MAGI1: variants seen among roughly 807,000 people sequenced by gnomAD.
MAGI1 encodes membrane-associated guanylate kinase, WW and PDZ domain-containing protein 1.
A neutral mutation model predicts 139.9 loss-of-function variants in MAGI1; 58 were observed. The ratio of observed to expected loss-of-function variants is 0.41; its 90% confidence interval spans 0.34 to 0.52. The LOEUF (loss-of-function observed/expected upper bound fraction) is 0.52. MAGI1 is among the 20% of genes least tolerant of loss of function. The pLI is 0.12. For missense variants in MAGI1, 1,874 were observed against 1,901.6 expected, an observed-to-expected ratio of 0.99 and a Z score of 0.27; for synonymous variants, 812 against 737.9, an observed-to-expected ratio of 1.10 and a Z score of -1.63.
At chr3:65,427,074 G>T (rs1311925270) in intron 12 of MAGI1, among the ~76,000 whole-genome samples, 5 of 152,198 alleles carry the variant, frequency 3.3e-5, no homozygotes, top group Admixed American at 3.3e-4. Context: ...AGCACTTCGG[G>T]AGGCCGAGGC....
chr3:65,695,545 T>C (rs2089097656), intron 1 of MAGI1, among the ~76,000 whole-genome samples: 1 of 152,184 alleles, frequency 6.6e-6, no homozygotes, highest in Non-Finnish European at 1.5e-5. Flanking sequence ...CTCAGTCACA[T>C]CCTTTTTCTT....
In MAGI1 at chr3:65,478,577, T is replaced by C. The variant is rs774533825; in HGVS notation, c.757+15A>G. 7.4e-6 allele frequency: 12 copies of C among 1,610,880 alleles called. No individual in the cohort carries two copies. Among genetic ancestry groups the C allele is most frequent in the Admixed American group, 5.0e-5 (3 of 59,984 alleles). Reference sequence around the variant, plus strand: ...TTCCCCAGGTCCATTGAGGGCAACATGATCTGACCTTTACCTGTAAAGCTG... The same window carrying C: ...TTCCCCAGGTCCATTGAGGGCAACACGATCTGACCTTTACCTGTAAAGCTG... On this transcript the variant is annotated intron_variant, in intron 4 of 22. Transcript: ENST00000402939.
chr3:65,976,627 T>C (rs534079863), intron 1 of MAGI1, among the ~76,000 whole-genome samples: 3 of 152,272 alleles, frequency 2.0e-5, no homozygotes, highest in South Asian at 2.1e-4. Context: ...TGGGACTCTG[T>C]CTCAAACAAA....
chr3:65,940,126 T>A (rs915751509), intron 1 of MAGI1, among the ~76,000 whole-genome samples: 2 of 152,224 alleles, frequency 1.3e-5, no homozygotes, highest in Non-Finnish European at 1.5e-5. Context: ...GGGAAAGCAG[T>A]GAAGCACTAG....
At chr3:65,777,781 T>C (rs1447194589) in intron 1 of MAGI1, among the ~76,000 whole-genome samples, 1 of 152,214 alleles carries the variant, frequency 6.6e-6, no homozygotes. Flanking sequence ...GTGTAATTTC[T>C]GGACCTCCGT....
chr3:65,569,046 G>C (rs2080818132), intron 2 of MAGI1, among the ~76,000 whole-genome samples: 1 of 152,186 alleles, frequency 6.6e-6, no homozygotes, highest in Admixed American at 6.5e-5. Context: ...AGCAACCCAA[G>C]TGCCTATAGA....
chr3:65,536,255 C>G lies in MAGI1; in HGVS notation c.431-42624G>C, dbSNP rs541477462. ...CAAGTTCTGTGAAGCCTAGATTCAC[C>G]TTTGTATAATAACTCCTAGCATACT... On this transcript the variant is annotated intron_variant, in intron 2 of 22. Transcript: ENST00000402939. 5.1e-4 allele frequency among the ~76,000 whole-genome samples: 77 copies of G among 152,066 alleles called. 1 individual carries two copies. The highest frequency in any genetic ancestry group is 4.3e-4 in the Non-Finnish European group (29 of 68,016).
At chr3:65,400,119 C>T (rs1459232975) in intron 13 of MAGI1, among the ~76,000 whole-genome samples, 1 of 152,138 alleles carries the variant, frequency 6.6e-6, no homozygotes, top group Non-Finnish European at 1.5e-5. Context: ...GACCAAGGGA[C>T]AGGGAGACAC....
chr3:65,711,958 G>T (rs577911436), intron 1 of MAGI1, among the ~76,000 whole-genome samples: 1 of 151,502 alleles, frequency 6.6e-6, no homozygotes, highest in South Asian at 2.1e-4. Flanking sequence ...TTACCATATT[G>T]CAATTTATCT....
At chr3:65,397,529 AT>A (rs567332426) in intron 13 of MAGI1, among the ~76,000 whole-genome samples, 898 of 140,784 alleles carry the variant, frequency 6.4e-3, no homozygotes, top group Middle Eastern at 7.6e-3. Context: ...TTTTTGTAGG[AT>A]TTTTTTTTTT....
At chr3:65,697,419 CAA>C (rs973036029) in intron 1 of MAGI1, among the ~76,000 whole-genome samples, 25 of 146,118 alleles carry the variant, frequency 1.7e-4, no homozygotes, top group African/African-American at 5.6e-4. Flanking sequence ...GAGACACAAC[CAA>C]AAAAGAGAAT....
At chr3:65,700,597 T>G (rs920660492) in intron 1 of MAGI1, among the ~76,000 whole-genome samples, 1 of 152,252 alleles carries the variant, frequency 6.6e-6, no homozygotes, top group Non-Finnish European at 1.5e-5. Flanking sequence ...ATTCCATGGC[T>G]GCCCTGGATC....
At chr3:65,986,118 G>A (rs1458368590) in intron 1 of MAGI1, among the ~76,000 whole-genome samples, 1 of 152,168 alleles carries the variant, frequency 6.6e-6, no homozygotes, top group Non-Finnish European at 1.5e-5. Flanking sequence ...GCCAGACATA[G>A]CTGATTGATC....
intron 2 of MAGI1, chr3:65,549,614 G>C (rs2079719051): frequency 3.0e-6 from 1 of 332,340 alleles, no homozygotes; most frequent in Non-Finnish European, 4.3e-6. Context: ...TTCACACTCC[G>C]GGCTGCGGCT....
intron 1 of MAGI1, among the ~76,000 whole-genome samples, chr3:65,757,419 T>A (rs1222307001): frequency 6.6e-6 from 1 of 152,154 alleles, no homozygotes; most frequent in Non-Finnish European, 1.5e-5. Flanking sequence ...CTGAGGCAAG[T>A]GGATCACCTG....
At chr3:65,551,522 G>A (rs918650391) in intron 2 of MAGI1, among the ~76,000 whole-genome samples, 3 of 151,980 alleles carry the variant, frequency 2.0e-5, no homozygotes, top group Admixed American at 6.6e-5. Flanking sequence ...GGATGGTCTC[G>A]ATTTCCTGAC....
chr3:65,745,896 T>C (rs1325056894), intron 1 of MAGI1, among the ~76,000 whole-genome samples: 1 of 152,052 alleles, frequency 6.6e-6, no homozygotes, highest in Non-Finnish European at 1.5e-5. Flanking sequence ...GCCCAGCTAA[T>C]TTTTTGTATT....
At chr3:65,420,463 A>C (rs1338779252) in intron 12 of MAGI1, among the ~76,000 whole-genome samples, 1 of 151,732 alleles carries the variant, frequency 6.6e-6, no homozygotes, top group Non-Finnish European at 1.5e-5. Flanking sequence ...GGCTGGCATG[A>C]TTTTGTTCAT....
At chr3:65,976,519 T>C (rs2065274049) in intron 1 of MAGI1, among the ~76,000 whole-genome samples, 2 of 152,018 alleles carry the variant, frequency 1.3e-5, no homozygotes, top group Admixed American at 6.6e-5. Context: ...TAATCCCAGC[T>C]ACTCAGGAGG....
Sources: allele counts gnomAD v4.1 joint callset (sites outside exome capture counted in the v4.1 genomes callset), GRCh38; gene constraint gnomAD v4.1.1; transcripts MANE v1.5; gene names NCBI Gene and HGNC (gene_info 2026-07-23, HGNC 2026-07-21).